BTD: variants seen among roughly 807,000 people sequenced by gnomAD.
BTD encodes the protein biotinidase.
BTD carries 13 observed loss-of-function variants against 17.7 expected under a neutral mutation model. The ratio of observed to expected loss-of-function variants is 0.74; its 90% confidence interval spans 0.48 to 1.17. The LOEUF (loss-of-function observed/expected upper bound fraction) is 1.17, where lower values mean the gene tolerates loss of function less well. Ranked by LOEUF, BTD falls within the 50% of genes most tolerant of loss-of-function variation. The pLI is 0.00. For missense variants in BTD, 674 were observed against 650.4 expected, an observed-to-expected ratio of 1.04 and a Z score of -0.39; for synonymous variants, 240 against 245.2, an observed-to-expected ratio of 0.98 and a Z score of 0.20.
chr3:15,701,044 A>G (rs1261199444), intron 3 of BTD, among the ~76,000 whole-genome samples: 1 of 152,212 alleles, frequency 6.6e-6, no homozygotes, highest in Non-Finnish European at 1.5e-5. Context: ...AAATTCTTTA[A>G]TCAAATACTC....
intron 1 of BTD, among the ~76,000 whole-genome samples, chr3:15,606,042 CAA>C (rs11369757): frequency 9.2e-5 from 6 of 64,950 alleles, no homozygotes; most frequent in South Asian, 6.5e-4. Flanking sequence ...GACCCTGTCT[CAA>C]AAAAAAAAAA....
rs186926635 is a variant in BTD, at chr3:15,650,916, C to A, written c.*5428C>A. ...TTCCGAGTAGCTGGGACTACAGGCA[C>A]GTGCCACCACGCCCAGCTAATTTTT... On this transcript the variant is annotated 3_prime_UTR_variant, in exon 4 of 4. Transcript: ENST00000643237. Among the ~76,000 whole-genome samples, 1 of 152,150 alleles carries A rather than the reference C, an allele frequency of 6.6e-6. No homozygotes were observed. Among genetic ancestry groups the A allele is most frequent in the African/African-American group, 2.4e-5 (1 of 41,434 alleles).
At chr3:15,602,432 C>G (rs1377216158) in intron 1 of BTD, 1 of 534,542 alleles carries the variant, frequency 1.9e-6, no homozygotes. Flanking sequence ...CTACCTACAA[C>G]CAGCCCTGCA....
chr3:15,693,327 C>CAGAGAGAGAGAGAG (rs59750718), intron 3 of BTD, among the ~76,000 whole-genome samples: 1 of 148,392 alleles, frequency 6.7e-6, no homozygotes, highest in Non-Finnish European at 1.5e-5. Context: ...AATGGGGGGG[C>CAGAGAGAGAGAGAG]AGAGAGAGAG....
chr3:15,656,367 C>G (rs1311381647), downstream of BTD, among the ~76,000 whole-genome samples: 1 of 152,172 alleles, frequency 6.6e-6, no homozygotes, highest in Non-Finnish European at 1.5e-5. Flanking sequence ...GTCCCCTTCC[C>G]CTCCATATTT....
chr3:15,612,432 C>T (rs191831542), intron 1 of BTD, among the ~76,000 whole-genome samples: 8 of 152,212 alleles, frequency 5.3e-5, no homozygotes, highest in Non-Finnish European at 8.8e-5. Flanking sequence ...ATTCTATAGG[C>T]TTTTACTGGC....
chr3:15,722,373 A>G (rs1319659920), downstream of BTD, among the ~76,000 whole-genome samples: 1 of 152,216 alleles, frequency 6.6e-6, no homozygotes, highest in Non-Finnish European at 1.5e-5. Flanking sequence ...AGGGAAGAAC[A>G]GTAATGTGTC....
At chr3:15,708,759 TG>T (rs1365025451) in intron 3 of BTD, among the ~76,000 whole-genome samples, 1 of 152,198 alleles carries the variant, frequency 6.6e-6, no homozygotes, top group Non-Finnish European at 1.5e-5. Context: ...AAAGTAATTA[TG>T]GTGTCAAATA....
intron 3 of BTD, chr3:15,696,168 G>A: frequency 6.3e-7 from 1 of 1,592,432 alleles, no homozygotes; most frequent in Non-Finnish European, 8.6e-7. Context: ...ATAAGCAGCT[G>A]AATAATGAAC....
chr3:15,618,810 C>T (rs2064868094), intron 1 of BTD, among the ~76,000 whole-genome samples: 1 of 152,212 alleles, frequency 6.6e-6, no homozygotes, highest in African/African-American at 2.4e-5. Flanking sequence ...CAGGCGTGAG[C>T]CACTGTGCCC....
rs181743799 is a variant in BTD at position 15,641,997 on chromosome 3, G to A, written c.339G>A (p.Pro113=). 3.0e-4 allele frequency: 484 copies of A among 1,614,026 alleles called. 3 individuals are homozygous for A. The Admixed American group carries it at 6.8e-3, about 23-fold the overall frequency. ...TTTATCCATTTTTGGACTTCATGCC[G>A]TCTCCCCAGGTGGTCAGGTGGAACC... ...TSIYPFLDFM[P]SPQVVRWNPC... Residue 113 remains proline, a synonymous_variant, in exon 3 of 4, where the codon CCG becomes CCA. Transcript: ENST00000643237.
Position 15,651,105 on chromosome 3 carries a change from A to G in BTD, c.*5617A>G, listed in dbSNP as rs1379217707. On this transcript the variant is annotated 3_prime_UTR_variant, in exon 4 of 4. Coordinates refer to ENST00000643237, the MANE Select transcript of BTD (RefSeq NM_001370658.1). The stretch of plus-strand genomic sequence containing the variant: ...TTCTGATCAGCCAGCACTGAGTCAC[A>G]TGGCCACTATTAGGGTGAGGGATGA... 6.6e-6 allele frequency among the ~76,000 whole-genome samples: 1 copy of G among 152,132 alleles called. No individual in the cohort carries two copies. The highest frequency in any genetic ancestry group is 1.5e-5 in the Non-Finnish European group (1 of 68,008).
chr3:15,652,316 A>T lies in BTD; in HGVS notation c.*6828A>T, dbSNP rs1219666076. 6.6e-6 allele frequency among the ~76,000 whole-genome samples: 1 copy of T among 151,666 alleles called. No individual in the cohort carries two copies. Reference sequence around the variant, plus strand: ...ACTCCAGTCTGGGCAACAGAGCGACACTCCGTCTCCAAAAAAAAAAGATAC... The same window carrying T: ...ACTCCAGTCTGGGCAACAGAGCGACTCTCCGTCTCCAAAAAAAAAAGATAC... On this transcript the variant is annotated 3_prime_UTR_variant, in exon 4 of 4. Transcript: ENST00000643237.
chr3:15,680,205 A>ATAT (rs201388318), intron 3 of BTD, among the ~76,000 whole-genome samples: 1 of 151,988 alleles, frequency 6.6e-6, no homozygotes, highest in Non-Finnish European at 1.5e-5. Context: ...CATATATGAA[A>ATAT]TATTATTATT....
At chr3:15,715,278 A>G (rs907045469), downstream of BTD, among the ~76,000 whole-genome samples, 2 of 152,228 alleles carry the variant, frequency 1.3e-5, no homozygotes, top group African/African-American at 4.8e-5. Context: ...ACCAAAACAT[A>G]CATGTTACCA....
chr3:15,602,532 C>T (rs2064298532), intron 1 of BTD, among the ~76,000 whole-genome samples: 1 of 152,122 alleles, frequency 6.6e-6, no homozygotes, highest in South Asian at 2.1e-4. Flanking sequence ...AGACCCTCTG[C>T]TCAGTGACAA....
chr3:15,692,184 A>G (rs2068899773), intron 3 of BTD, among the ~76,000 whole-genome samples: 1 of 150,146 alleles, frequency 6.7e-6, no homozygotes, highest in Admixed American at 6.7e-5. Flanking sequence ...GGGCATGGTC[A>G]CTCACACCTA....
chr3:15,602,037 G>C (rs986256301), intron 1 of BTD, 143 bp downstream of exon 1: 9 of 1,485,566 alleles, frequency 6.1e-6, no homozygotes, highest in Non-Finnish European at 8.1e-6. Context: ...TCGTTTGCTG[G>C]GGCTGTTTGT....
At chr3:15,635,000 G>A (rs1042769932) in intron 1 of BTD, among the ~76,000 whole-genome samples, 4 of 139,718 alleles carry the variant, frequency 2.9e-5, no homozygotes, top group Non-Finnish European at 6.1e-5. Context: ...CAGACATTAC[G>A]GATGGCTGAC....
Sources: allele counts gnomAD v4.1 joint callset (sites outside exome capture counted in the v4.1 genomes callset), GRCh38; gene constraint gnomAD v4.1.1; transcripts MANE v1.5; gene names NCBI Gene and HGNC (gene_info 2026-07-23, HGNC 2026-07-21).